Variants in PBRM1 observed in about 807,000 individuals in gnomAD.
PBRM1 encodes the protein polybromo 1.
A neutral mutation model predicts 194.5 loss-of-function variants in PBRM1; 27 were observed. The observed-to-expected ratio is 0.14, with a 90% CI of 0.10 to 0.19. The LOEUF is 0.19. Among genes scored for constraint, PBRM1 ranks in the 10% least tolerant of loss-of-function variants. The pLI is 1.00. For missense variants in PBRM1, 1,466 were observed against 2,077.2 expected, an observed-to-expected ratio of 0.71 and a Z score of 5.72; for synonymous variants, 655 against 693.2, an observed-to-expected ratio of 0.94 and a Z score of 0.87.
At chr3:52,683,651 C>A (rs2097253712), upstream of PBRM1, among the ~76,000 whole-genome samples, 1 of 151,376 alleles carries the variant, frequency 6.6e-6, no homozygotes, top group African/African-American at 2.4e-5. Context: ...CCGTCTCTAT[C>A]AAAAATACAA....
At chr3:52,615,380 T>C in exon 15 of PBRM1, 1 of 1,611,260 alleles carries the variant, frequency 6.2e-7, no homozygotes. Flanking sequence ...AGCCATGTCA[T>C]CATCATCAGG....
intron 2 of PBRM1, among the ~76,000 whole-genome samples, chr3:52,669,676 GTATAA>G (rs1304702887): frequency 2.0e-5 from 3 of 152,108 alleles, no homozygotes; most frequent in East Asian, 1.9e-4. Context: ...CTTTTATTAC[GTATAA>G]TATATTTAAA....
At chr3:52,549,892 G>T (rs1306040248) in intron 29 of PBRM1, among the ~76,000 whole-genome samples, 2 of 151,008 alleles carry the variant, frequency 1.3e-5, no homozygotes, top group East Asian at 1.9e-4. Flanking sequence ...GCGACAGAGT[G>T]AGACTGTCTC....
At chr3:52,586,922 T>A (rs1222376008) in intron 19 of PBRM1, among the ~76,000 whole-genome samples, 1 of 152,090 alleles carries the variant, frequency 6.6e-6, no homozygotes, top group Non-Finnish European at 1.5e-5. Context: ...AACAAATAAT[T>A]CCATTTAGCT....
upstream of PBRM1, chr3:52,681,012 G>A (rs2097195440): frequency 6.6e-6 from 1 of 151,804 alleles, no homozygotes; most frequent in Admixed American, 6.6e-5. Flanking sequence ...GGCAGGCCTG[G>A]GGTTCAGAGG....
At chr3:52,680,977 G>T (rs529737910), upstream of PBRM1, among the ~76,000 whole-genome samples, 12 of 151,840 alleles carry the variant, frequency 7.9e-5, no homozygotes, top group Admixed American at 5.2e-4. Flanking sequence ...TGAAGGTATT[G>T]ATCCTTCAGC....
chr3:52,609,599 T>C lies in PBRM1; in HGVS notation c.2281A>G (p.Arg761Gly), dbSNP rs747810053. ...GAGTCCTCATCTCCCTCCAGGTCTC[T>C]GCGTGTTTCAAGCAGGACTTTGTGT... Residue 761 changes from arginine to glycine, a missense_variant, in exon 16 of 30, where the codon AGA (arginine) becomes GGA (glycine). Transcript: ENST00000296302. The surrounding 1 kb of genome is among the most constrained non-coding windows in gnomAD (Gnocchi z 4.1). The C allele has an allele frequency of 8.1e-6, 13 of 1,612,940 alleles. No individual in the cohort carries two copies. Among genetic ancestry groups the C allele is most frequent in the Non-Finnish European group, 9.3e-6 (11 of 1,179,572 alleles).
At chr3:52,613,949 A>G (rs1192638213) in intron 15 of PBRM1, among the ~76,000 whole-genome samples, 1 of 152,252 alleles carries the variant, frequency 6.6e-6, no homozygotes, top group East Asian at 1.9e-4. Context: ...AAAGTTTTAC[A>G]TTTCTGCAAA....
chr3:52,545,415 CA>C (rs1279815798), downstream of PBRM1: 8 of 230,752 alleles, frequency 3.5e-5, no homozygotes, highest in Non-Finnish European at 5.1e-5. Flanking sequence ...TTTAGATGAA[CA>C]ACAAAAAAAA....
chr3:52,675,345 T>TC (rs1392264023), intron 2 of PBRM1, among the ~76,000 whole-genome samples: 2 of 152,132 alleles, frequency 1.3e-5, no homozygotes, highest in African/African-American at 4.8e-5. Flanking sequence ...AGAGGCGAGG[T>TC]CACGTCCTAA....
Position 52,576,128 on chromosome 3 carries a change from G to A in PBRM1, c.3691+413C>T, listed in dbSNP as rs535012094. Reference sequence around the variant, plus strand: ...AATGTACCAACGTTAAGTATAATGGGAGTTCCTGAAGGAAGCAGAGAAAGG... The same window carrying A: ...AATGTACCAACGTTAAGTATAATGGAAGTTCCTGAAGGAAGCAGAGAAAGG... On this transcript the variant is annotated intron_variant, in intron 22 of 29. Coordinates refer to ENST00000296302, the Ensembl canonical transcript of PBRM1. Among the ~76,000 whole-genome samples, 5 of 152,190 alleles carry A rather than the reference G, an allele frequency of 3.3e-5. No homozygotes were observed. The South Asian group carries it at 1.0e-3, about 32-fold the overall frequency.
At chr3:52,676,935 TG>T (rs932530086) in intron 2 of PBRM1, among the ~76,000 whole-genome samples, 32 of 152,308 alleles carry the variant, frequency 2.1e-4, no homozygotes, top group African/African-American at 7.7e-4. Context: ...TGTGGAAGTT[TG>T]AACTTGAGAA....
chr3:52,617,997 TAAGAC>T (rs989202720), intron 13 of PBRM1, among the ~76,000 whole-genome samples: 6 of 152,160 alleles, frequency 3.9e-5, no homozygotes, highest in Non-Finnish European at 7.3e-5. Flanking sequence ...TTTCATCTCT[TAAGAC>T]AAGTACTCCT....
intron 4 of PBRM1, among the ~76,000 whole-genome samples, chr3:52,661,261 G>C (rs1370404808): frequency 2.0e-5 from 3 of 152,128 alleles, no homozygotes; most frequent in African/African-American, 7.2e-5. Flanking sequence ...CTAACCTCAA[G>C]TGATCCTCCC....
chr3:52,626,596 G>C (rs1219358270), intron 13 of PBRM1, among the ~76,000 whole-genome samples: 1 of 152,204 alleles, frequency 6.6e-6, no homozygotes, highest in East Asian at 1.9e-4. Flanking sequence ...GATCAGGCGA[G>C]AGAAACTTTG....
At chr3:52,664,471 C>G (rs1042658968) in intron 3 of PBRM1, among the ~76,000 whole-genome samples, 1 of 149,002 alleles carries the variant, frequency 6.7e-6, no homozygotes, top group African/African-American at 2.5e-5. Context: ...CGCGGTGGCT[C>G]ACGCCTGTAA....
chr3:52,547,989 C>A (rs1344016588), downstream of PBRM1: 3 of 1,291,390 alleles, frequency 2.3e-6, no homozygotes, highest in South Asian at 1.3e-5. Context: ...TCCTTCCCCC[C>A]ACCCCCAGTA....
intron 10 of PBRM1, among the ~76,000 whole-genome samples, chr3:52,640,654 C>T (rs1361628478): frequency 2.1e-5 from 3 of 145,898 alleles, no homozygotes; most frequent in African/African-American, 7.6e-5. Context: ...TCTTTTTCTT[C>T]CCCCCAAGAC....
At chr3:52,571,025 T>A (rs754744808) in intron 22 of PBRM1, among the ~76,000 whole-genome samples, 4 of 152,010 alleles carry the variant, frequency 2.6e-5, no homozygotes, top group Non-Finnish European at 5.9e-5. Flanking sequence ...GTTGGCTATC[T>A]TTTAAAGATT....
Sources: gnomAD v4.1 joint callset for allele counts (sites outside exome capture counted in the v4.1 genomes callset) on GRCh38, gnomAD v4.1.1 for gene constraint, Gnocchi (gnomAD v3.1) non-coding constraint, MANE v1.5 for transcripts, NCBI Gene and HGNC (gene_info 2026-07-23, HGNC 2026-07-21) for gene names.